The following SIDT1 variants were observed in gnomAD, a reference collection of about 807,000 sequenced individuals.
SIDT1 encodes SID1 transmembrane family, member 1.
Under a neutral mutation model 107.5 loss-of-function variants are expected in SIDT1, and 101 were observed. The observed-to-expected ratio is 0.94, with a 90% CI of 0.80 to 1.11. The LOEUF (loss-of-function observed/expected upper bound fraction) is 1.11. Among genes scored for constraint, SIDT1 ranks in the 50% least tolerant of loss-of-function variants. SIDT1 has a pLI of 0.00. For missense variants in SIDT1, 1,076 were observed against 1,058.2 expected, an observed-to-expected ratio of 1.02 and a Z score of -0.23; for synonymous variants, 395 against 398.2, an observed-to-expected ratio of 0.99 and a Z score of 0.10.
intron 1 of SIDT1, among the ~76,000 whole-genome samples, chr3:113,557,201 A>C (rs186184741): frequency 5.8e-4 from 88 of 152,338 alleles, no homozygotes; most frequent in South Asian, 5.2e-3. Flanking sequence ...CCTGGCCTCC[A>C]TGTTAATTCA....
chr3:113,576,011 A>G (rs1942871886), intron 3 of SIDT1, among the ~76,000 whole-genome samples: 1 of 152,178 alleles, frequency 6.6e-6, no homozygotes, highest in African/African-American at 2.4e-5. Flanking sequence ...ATGGCTAATG[A>G]TGAGGCAACA....
In SIDT1 at chr3:113,585,279, A is replaced by T; in HGVS notation, c.1001+9A>T. On this transcript the variant is annotated intron_variant, in intron 9 of 24. Coordinates refer to ENST00000264852, the MANE Select transcript of SIDT1 (RefSeq NM_017699.3). The stretch of plus-strand genomic sequence containing the variant: ...TTTGTTCATTATCTGAGGTAGGTCA[A>T]TCTTTTCTAGAAATGTTAATTCCCT... The T allele has an allele frequency of 6.3e-7, 1 of 1,585,570 alleles. No homozygotes were observed. The highest frequency in any genetic ancestry group is 8.7e-7 in the Non-Finnish European group (1 of 1,154,244).
At position 113,603,060 on chromosome 3, in the gene SIDT1, G is replaced by C; in HGVS notation, c.1173G>C (p.Pro391=). The C allele has an allele frequency of 6.2e-7, 1 of 1,614,098 alleles. No individual in the cohort carries two copies. Among genetic ancestry groups the C allele is most frequent in the Non-Finnish European group, 8.5e-7 (1 of 1,179,988 alleles). ...TGTCCTCCTCCGATGGTGGGCCACC[G>C]GGCCAGTCAGACACAGACAGCTCCG... ...RQMSSSDGGP[P]GQSDTDSSVE... is the part of the protein sequence containing the mutation. The change falls in exon 12 of 25, where the codon CCG becomes CCC. Residue 391 remains proline, a synonymous_variant. Coordinates refer to ENST00000264852, the MANE Select transcript of SIDT1 (RefSeq NM_017699.3).
chr3:113,616,321 A>G lies in SIDT1; in HGVS notation c.2043+145A>G. On this transcript the variant is annotated intron_variant, in intron 20 of 24. Transcript: ENST00000264852. ...TGGCTAAAGGCCCATTAGTGGGAGA[A>G]GGAGCATGGTGCTTATTCTTTTTCA... is the stretch of plus-strand genomic sequence containing the variant. 7.7e-6 allele frequency: 5 copies of G among 649,482 alleles called. No homozygotes were observed. The South Asian group carries it at 8.9e-5, about 11-fold the overall frequency. The allele number at this position is 649,482 out of a possible 1,614,324, so 40.2% of individuals were successfully genotyped here. A position where few individuals can be genotyped will look rare whatever the true frequency, so the allele number is the denominator to read the frequency against.
chr3:113,543,232 C>G (rs145591047), intron 1 of SIDT1, among the ~76,000 whole-genome samples: 6 of 152,220 alleles, frequency 3.9e-5, no homozygotes, highest in African/African-American at 4.8e-5. Context: ...TGAGCCACCA[C>G]GCCCAGCCCA....
At chr3:113,584,918 T>C in intron 8 of SIDT1, 149 bp downstream of exon 8, 1 of 660,274 alleles carries the variant, frequency 1.5e-6, no homozygotes, top group Non-Finnish European at 2.5e-6. Context: ...AGTCAGAGCA[T>C]TTTGTTAAAT....
intron 1 of SIDT1, among the ~76,000 whole-genome samples, chr3:113,551,614 T>C (rs1417831239): frequency 6.6e-6 from 1 of 151,898 alleles, no homozygotes; most frequent in Non-Finnish European, 1.5e-5. Flanking sequence ...TCCCTTACAA[T>C]TACTGAAAAC....
At chr3:113,581,315 A>C in intron 5 of SIDT1, 46 bp from the exon 6 acceptor site, 1 of 1,474,510 alleles carries the variant, frequency 6.8e-7, no homozygotes, top group Non-Finnish European at 9.5e-7. Context: ...ATGACATTGC[A>C]TGACATTATG....
intron 1 of SIDT1, among the ~76,000 whole-genome samples, chr3:113,545,233 C>T (rs1939458991): frequency 6.7e-6 from 1 of 148,188 alleles, no homozygotes; most frequent in Non-Finnish European, 1.5e-5. Flanking sequence ...ACTGATTATT[C>T]TTGCCTGAAT....
At chr3:113,567,000 G>T (rs775858191) in intron 2 of SIDT1, among the ~76,000 whole-genome samples, 1 of 152,112 alleles carries the variant, frequency 6.6e-6, no homozygotes, top group Non-Finnish European at 1.5e-5. Flanking sequence ...TGCCCTCCTC[G>T]AGTTTCTATT....
chr3:113,577,360 G>C (rs1560062924), intron 4 of SIDT1, among the ~76,000 whole-genome samples: 1 of 152,156 alleles, frequency 6.6e-6, no homozygotes, highest in Non-Finnish European at 1.5e-5. Context: ...GTGGGGATAG[G>C]TAGTAAAAGG....
downstream of SIDT1, among the ~76,000 whole-genome samples, chr3:113,633,351 A>G (rs1032873923): frequency 2.0e-5 from 3 of 152,276 alleles, no homozygotes; most frequent in South Asian, 6.2e-4. Context: ...TTTCAAGTTG[A>G]CTTTCAAAGG....
At chr3:113,634,988 T>C in the SIDT1 span, among the ~76,000 whole-genome samples, 1 of 152,246 alleles carries the variant, frequency 6.6e-6, no homozygotes, top group Non-Finnish European at 1.5e-5. Flanking sequence ...TAAGGACTAT[T>C]GCTTCAGGTT....
At chr3:113,597,759 G>A (rs919520702) in intron 10 of SIDT1, among the ~76,000 whole-genome samples, 1 of 152,180 alleles carries the variant, frequency 6.6e-6, no homozygotes, top group Non-Finnish European at 1.5e-5. Flanking sequence ...CAAGCTCAGA[G>A]AAACACATAT....
At chr3:113,553,414 A>G (rs1361850009) in intron 1 of SIDT1, among the ~76,000 whole-genome samples, 1 of 152,142 alleles carries the variant, frequency 6.6e-6, no homozygotes, top group African/African-American at 2.4e-5. Flanking sequence ...ATTTTCTACT[A>G]CTTTTCCATC....
In SIDT1 at chr3:113,623,442, G is replaced by A. The variant is rs185416689; in HGVS notation, c.2106G>A (p.Leu702=). The A allele has an allele frequency of 6.2e-7, 1 of 1,613,598 alleles. No homozygotes were observed. Among genetic ancestry groups the A allele is most frequent in the Non-Finnish European group, 8.5e-7 (1 of 1,179,530 alleles). ...LVNWSFALFG[L]IYRPRDFASY... is the part of the protein sequence containing the mutation. ...ACGCCTGCAGCGCCCTCTTTGGATT[G>A]ATATACCGCCCCAGGGACTTTGCTT... Residue 702 remains leucine (L), a synonymous_variant, in exon 22 of 25, where the codon TTG becomes TTA. Transcript: ENST00000264852.
At chr3:113,584,297 G>C (rs1453722793) in intron 7 of SIDT1, among the ~76,000 whole-genome samples, 1 of 152,166 alleles carries the variant, frequency 6.6e-6, no homozygotes, top group Non-Finnish European at 1.5e-5. Context: ...GACTATATAA[G>C]AGGGAAAAAT....
At chr3:113,631,792 C>T (rs945310804), downstream of SIDT1, among the ~76,000 whole-genome samples, 3 of 152,168 alleles carry the variant, frequency 2.0e-5, no homozygotes, top group Admixed American at 6.5e-5. Flanking sequence ...GGACAGCTTT[C>T]CTGAAGCACG....
chr3:113,568,542 C>T (rs1359021934), intron 3 of SIDT1, among the ~76,000 whole-genome samples: 4 of 148,816 alleles, frequency 2.7e-5, no homozygotes, highest in South Asian at 4.2e-4. Context: ...TGCAGTGAGC[C>T]GAGATCGCGC....
Sources: allele counts gnomAD v4.1 joint callset (sites outside exome capture counted in the v4.1 genomes callset), GRCh38; gene constraint gnomAD v4.1.1; transcripts MANE v1.5; gene names NCBI Gene and HGNC (gene_info 2026-07-23, HGNC 2026-07-21).